The following LAMA3 variants were observed in gnomAD, a reference collection of about 807,000 sequenced individuals.
LAMA3 encodes the protein laminin subunit alpha 3, also known as laminin subunit alpha-3.
In LAMA3, 281 loss-of-function variants were observed where a neutral mutation model predicts 402.0. The observed-to-expected ratio is 0.70, with a 90% CI of 0.63 to 0.77. LAMA3 has a LOEUF of 0.77. LAMA3 is among the 30% of genes least tolerant of loss of function. LAMA3 has a pLI of 0.00. For synonymous variants in LAMA3, 1,431 were observed against 1,558.4 expected (o/e 0.92, Z 1.93); for missense variants, 3,840 against 4,215.5 (o/e 0.91, Z 2.47).
intron 32 of LAMA3, among the ~76,000 whole-genome samples, chr18:23,850,048 C>G (rs1042681163): frequency 2.0e-5 from 3 of 151,988 alleles, no homozygotes; most frequent in African/African-American, 7.2e-5. Flanking sequence ...CTATTTTTTT[C>G]CTCCTTAGAA....
At chr18:23,876,464 C>T (rs915778319) in intron 39 of LAMA3, 57 bp downstream of exon 39, 4 of 1,139,556 alleles carry the variant, frequency 3.5e-6, no homozygotes, top group Non-Finnish European at 5.3e-6. Flanking sequence ...CCTCCATTCC[C>T]CTGTACTATG....
chr18:23,840,231 A>G (rs1309291133), intron 27 of LAMA3, among the ~76,000 whole-genome samples: 2 of 152,130 alleles, frequency 1.3e-5, no homozygotes, highest in Non-Finnish European at 2.9e-5. Flanking sequence ...GGCTTTGTCC[A>G]CTAGATATTT....
chr18:23,920,842 A>G, intron 60 of LAMA3, 93 bp from the exon 61 acceptor site: 11 of 1,475,062 alleles, frequency 7.5e-6, no homozygotes, highest in Non-Finnish European at 3.8e-6. Flanking sequence ...TGAAGCTGAG[A>G]GCAGGGGGGT....
At chr18:23,725,114 C>CTT (rs200486038) in intron 2 of LAMA3, among the ~76,000 whole-genome samples, 12,136 of 145,602 alleles carry the variant, frequency 0.083, 957 homozygotes, top group East Asian at 0.37. Flanking sequence ...ACTCACCATT[C>CTT]TTTTTTTTTT....
At chr18:23,836,921 A>G (rs2063592703) in intron 24 of LAMA3, 60 bp from the exon 25 acceptor site, 1 of 1,196,328 alleles carries the variant, frequency 8.4e-7, no homozygotes, top group South Asian at 1.2e-5. Flanking sequence ...ACCCAGAAGG[A>G]TGTGCAGAAT....
chr18:23,848,541 G>T (rs1330439083), intron 32 of LAMA3, among the ~76,000 whole-genome samples: 2 of 152,154 alleles, frequency 1.3e-5, no homozygotes, highest in Non-Finnish European at 2.9e-5. Context: ...GGATGGCAGC[G>T]TGCAGGGGAA....
intron 11 of LAMA3, among the ~76,000 whole-genome samples, chr18:23,781,023 T>C (rs993903848): frequency 2.0e-5 from 3 of 152,218 alleles, no homozygotes; most frequent in African/African-American, 7.2e-5. Flanking sequence ...TCTGGAACTC[T>C]GGCAGTAGAG....
Position 23,954,789 on chromosome 18 carries a change from C to G in LAMA3, c.*141C>G. 8.5e-6 allele frequency: 7 copies of G among 819,634 alleles called. No individual in the cohort carries two copies. Among genetic ancestry groups the G allele is most frequent in the Non-Finnish European group, 1.5e-5 (7 of 482,590 alleles). The allele number at this position is 819,634 out of a possible 1,614,324, so 50.8% of individuals were successfully genotyped here. On this transcript the variant is annotated 3_prime_UTR_variant, in exon 75 of 75. Coordinates refer to ENST00000313654, the MANE Select transcript of LAMA3 (RefSeq NM_198129.4). ...TAGCGAATCTAATTTTGAATTCTGACCATGGATACCCATCACTTTGGCATT... is the reference window on the plus strand; with the variant it reads ...TAGCGAATCTAATTTTGAATTCTGAGCATGGATACCCATCACTTTGGCATT...
intron 1 of LAMA3, chr18:23,709,933 C>A: frequency 2.8e-6 from 2 of 717,526 alleles, no homozygotes; most frequent in Non-Finnish European, 5.1e-6. Flanking sequence ...TTGGCCACAT[C>A]AATGTCATAG....
In LAMA3 at chr18:23,847,607, T is replaced by G. The variant is rs767046193; in HGVS notation, c.4075T>G (p.Ser1359Ala). Residue 1359 changes from serine (S) to alanine (A), a missense_variant, in exon 32 of 75, where the codon TCC (serine) becomes GCC (alanine). Physicochemically the swap from Ser to Ala is moderately conservative, Grantham distance 99 (BLOSUM62 1). Around this residue, in one of 3 missense-constraint regions of LAMA3, gnomAD observed 2,109 missense variants for 2,376.0 expected, o/e 0.89. Transcript: ENST00000313654. ...GGCCGGCTGCGAAGGCTGCAACTGT[T>G]CCAGGAGGGGCACCATCGAGGCTGC... ...PMAGCEGCNC[S>A]RRGTIEAAMP... 29 of 1,613,944 alleles carry G rather than the reference T, an allele frequency of 1.8e-5. No homozygotes were observed. The Middle Eastern group carries it at 6.6e-4, about 37-fold the overall frequency.
At chr18:23,724,287 C>T (rs1197241626) in intron 2 of LAMA3, among the ~76,000 whole-genome samples, 2 of 152,092 alleles carry the variant, frequency 1.3e-5, no homozygotes, top group Non-Finnish European at 2.9e-5. Context: ...GCATGTATTA[C>T]TTTTAGAATT....
intron 1 of LAMA3, among the ~76,000 whole-genome samples, chr18:23,698,367 C>T (rs1374183587): frequency 6.6e-6 from 1 of 152,074 alleles, no homozygotes; most frequent in Admixed American, 6.6e-5. Flanking sequence ...CCATCACGCC[C>T]AGCTAATTTT....
At chr18:23,700,823 G>A (rs573184281) in intron 1 of LAMA3, among the ~76,000 whole-genome samples, 2 of 152,046 alleles carry the variant, frequency 1.3e-5, no homozygotes, top group African/African-American at 4.8e-5. Flanking sequence ...TCAGCCTCCT[G>A]AGTAGCTGGA....
At chr18:23,861,015 T>A (rs2064206197) in intron 34 of LAMA3, among the ~76,000 whole-genome samples, 1 of 152,158 alleles carries the variant, frequency 6.6e-6, no homozygotes, top group Non-Finnish European at 1.5e-5. Flanking sequence ...TTTATATATT[T>A]TACTGCCTGC....
At chr18:23,808,539 G>A (rs1180156308) in intron 12 of LAMA3, among the ~76,000 whole-genome samples, 1 of 152,158 alleles carries the variant, frequency 6.6e-6, no homozygotes, top group East Asian at 1.9e-4. Flanking sequence ...ATCAATGTCT[G>A]CTGGATGGAT....
intron 31 of LAMA3, among the ~76,000 whole-genome samples, chr18:23,846,849 G>A (rs577363266): frequency 2.6e-5 from 4 of 152,282 alleles, no homozygotes; most frequent in African/African-American, 4.8e-5. Flanking sequence ...GATCCCCTTC[G>A]TCACAGAAGC....
chr18:23,884,716 A>G, intron 40 of LAMA3, 57 bp from the exon 41 acceptor site: 1 of 1,427,008 alleles, frequency 7.0e-7, no homozygotes, highest in Non-Finnish European at 9.9e-7. Context: ...GTAAAAAATA[A>G]GCATAAATCC....
At chr18:23,772,110 C>T (rs2337184) in intron 8 of LAMA3, among the ~76,000 whole-genome samples, 8,044 of 147,442 alleles carry the variant, frequency 0.055, 491 homozygotes, top group Admixed American at 0.18. Flanking sequence ...GGTGTGATTT[C>T]GGCTCACTGC....
At chr18:23,815,664 G>T in intron 17 of LAMA3, 91 bp downstream of exon 17, 4 of 914,192 alleles carry the variant, frequency 4.4e-6, no homozygotes, top group South Asian at 2.7e-5. Context: ...TCATCTTCAC[G>T]CAGACTTTCT....
Sources: allele counts gnomAD v4.1 joint callset (sites outside exome capture counted in the v4.1 genomes callset), GRCh38; gene constraint gnomAD v4.1.1; regional missense constraint gnomAD v4.1.1; transcripts MANE v1.5; gene names NCBI Gene and HGNC (gene_info 2026-07-23, HGNC 2026-07-21).